CATSPERT: variants seen among roughly 807,000 people sequenced by gnomAD.
CATSPERT encodes cation channel sperm-associated targeting subunit tau.
the CATSPERT span, among the ~76,000 whole-genome samples, chr2:201,576,472 C>T: frequency 1.3e-5 from 2 of 152,244 alleles, no homozygotes; most frequent in Non-Finnish European, 2.9e-5. Flanking sequence ...GACCAATGGA[C>T]TGCCCAGCCC....
At chr2:201,564,400 T>C in the CATSPERT span, among the ~76,000 whole-genome samples, 5 of 151,308 alleles carry the variant, frequency 3.3e-5, no homozygotes, top group Non-Finnish European at 7.4e-5. Flanking sequence ...CAACTAAGCA[T>C]GTGAGAATGT....
chr2:201,563,240 GC>G, the CATSPERT span, among the ~76,000 whole-genome samples: 1 of 137,742 alleles, frequency 7.3e-6, no homozygotes, highest in Admixed American at 7.1e-5. Context: ...GGGCAGAGGG[GC>G]TCCTCACTTC....
the CATSPERT span, among the ~76,000 whole-genome samples, chr2:201,606,639 C>T: frequency 3.9e-5 from 6 of 152,226 alleles, no homozygotes; most frequent in African/African-American, 1.4e-4. Flanking sequence ...TGGCTCACAC[C>T]TGTAATCCCA....
At chr2:201,530,617 A>G in the CATSPERT span, among the ~76,000 whole-genome samples, 1 of 152,218 alleles carries the variant, frequency 6.6e-6, no homozygotes, top group Admixed American at 6.5e-5. Flanking sequence ...TAAAGAGGGC[A>G]GTTAAATATA....
chr2:201,536,142 A>T, the CATSPERT span: 8 of 1,613,550 alleles, frequency 5.0e-6, no homozygotes, highest in Non-Finnish European at 6.8e-6. Flanking sequence ...ACGTTCACCT[A>T]AAGGTGGTAT....
chr2:201,545,582 T>G, the CATSPERT span: 1 of 1,448,552 alleles, frequency 6.9e-7, no homozygotes, highest in Non-Finnish European at 9.1e-7. Context: ...TCAGGATGAT[T>G]ACTTTTCGTG....
At chr2:201,578,162 T>TA in the CATSPERT span, among the ~76,000 whole-genome samples, 160 of 152,208 alleles carry the variant, frequency 1.1e-3, no homozygotes, top group African/African-American at 3.4e-3. Flanking sequence ...ACATAAGTAG[T>TA]AAAGCTATGA....
the CATSPERT span, chr2:201,511,866 A>C: frequency 3.3e-5 from 5 of 150,900 alleles, no homozygotes; most frequent in South Asian, 2.1e-4. Context: ...AAAAAAAAAA[A>C]AAAAAAACTC....
the CATSPERT span, among the ~76,000 whole-genome samples, chr2:201,572,770 A>G: frequency 4.0e-5 from 6 of 151,054 alleles, no homozygotes; most frequent in Admixed American, 1.3e-4. Flanking sequence ...CAGAGAAGGG[A>G]AAAAAAAAGC....
At chr2:201,590,632 T>G in the CATSPERT span, among the ~76,000 whole-genome samples, 1 of 152,154 alleles carries the variant, frequency 6.6e-6, no homozygotes, top group East Asian at 1.9e-4. Flanking sequence ...TTTCTCCACA[T>G]CCTCTCCAGC....
At chr2:201,565,326 A>G in the CATSPERT span, among the ~76,000 whole-genome samples, 3 of 147,006 alleles carry the variant, frequency 2.0e-5, no homozygotes, top group African/African-American at 7.5e-5. Context: ...AAAATTAGCC[A>G]GGTGTGGTGA....
the CATSPERT span, among the ~76,000 whole-genome samples, chr2:201,571,250 C>T: frequency 0.055 from 8,371 of 152,158 alleles, 279 homozygotes; most frequent in African/African-American, 0.08. Flanking sequence ...TGATAATATC[C>T]AGTGTTGGTG....
the CATSPERT span, among the ~76,000 whole-genome samples, chr2:201,591,485 T>G: frequency 6.6e-6 from 1 of 152,138 alleles, no homozygotes; most frequent in African/African-American, 2.4e-5. Flanking sequence ...TTTGGTTCCA[T>G]ATGAACTTTA....
At chr2:201,537,542 A>T in the CATSPERT span, 1 of 1,238,200 alleles carries the variant, frequency 8.1e-7, no homozygotes, top group Non-Finnish European at 1.1e-6. Context: ...ATATGTATGT[A>T]CATTAATAAA....
chr2:201,488,105 G>C, the CATSPERT span, among the ~76,000 whole-genome samples: 6 of 152,148 alleles, frequency 3.9e-5, no homozygotes, highest in African/African-American at 9.7e-5. Flanking sequence ...CCCTACACCC[G>C]ATGCCTCCCA....
At chr2:201,570,128 AGC>A in the CATSPERT span, among the ~76,000 whole-genome samples, 1 of 152,116 alleles carries the variant, frequency 6.6e-6, no homozygotes, top group East Asian at 1.9e-4. Flanking sequence ...GGCTGCAGTG[AGC>A]CATGATCTGT....
At chr2:201,566,764 C>T in the CATSPERT span, among the ~76,000 whole-genome samples, 1 of 152,148 alleles carries the variant, frequency 6.6e-6, no homozygotes, top group Non-Finnish European at 1.5e-5. Flanking sequence ...GTTCTAGATC[C>T]CTGAGGAATC....
At chr2:201,588,791 T>C in the CATSPERT span, among the ~76,000 whole-genome samples, 958 of 152,022 alleles carry the variant, frequency 6.3e-3, 12 homozygotes, top group African/African-American at 0.021. Flanking sequence ...AAATAAAAGG[T>C]ATCCCAATAG....
the CATSPERT span, among the ~76,000 whole-genome samples, chr2:201,570,743 C>G: frequency 6.6e-6 from 1 of 152,132 alleles, no homozygotes; most frequent in Non-Finnish European, 1.5e-5. Context: ...CTTAGCCACT[C>G]TCAACTAAAG....
Sources: gnomAD v4.1 joint callset for allele counts (sites outside exome capture counted in the v4.1 genomes callset) on GRCh38, gnomAD v4.1.1 for gene constraint, MANE v1.5 for transcripts, NCBI Gene and HGNC (gene_info 2026-07-23, HGNC 2026-07-21) for gene names.